The following NUDT4 variants were observed in gnomAD, a reference collection of about 807,000 sequenced individuals.
NUDT4 encodes the protein diphosphoinositol polyphosphate phosphohydrolase 2.
In NUDT4, 5 loss-of-function variants were observed where a neutral mutation model predicts 23.1. The ratio of observed to expected loss-of-function variants is 0.22; its 90% CI spans 0.11 to 0.46. The LOEUF (loss-of-function observed/expected upper bound fraction) is 0.46. Ranked by LOEUF, NUDT4 falls within the 20% of genes least tolerant of loss-of-function variation. The pLI, the probability that NUDT4 is intolerant of heterozygous loss-of-function variation, is 0.99. For missense variants in NUDT4, 96 were observed against 211.6 expected (o/e 0.45, Z 3.39); for synonymous variants, 50 against 79.0 (o/e 0.63, Z 1.95).
chr12:93,379,897 A>T (rs1055563548), intron 1 of NUDT4, among the ~76,000 whole-genome samples: 3 of 152,224 alleles, frequency 2.0e-5, no homozygotes, highest in Non-Finnish European at 4.4e-5. Context: ...TAGATCAAGG[A>T]TCTTGTCTGG....
chr12:93,396,868 CA>C (rs1474115374), intron 3 of NUDT4, among the ~76,000 whole-genome samples: 1 of 152,110 alleles, frequency 6.6e-6, no homozygotes, highest in Admixed American at 6.5e-5. Context: ...CACTCCATCT[CA>C]AAAAACAAAG....
At chr12:93,388,411 A>T (rs187846747) in intron 1 of NUDT4, among the ~76,000 whole-genome samples, 22 of 152,374 alleles carry the variant, frequency 1.4e-4, no homozygotes, top group Non-Finnish European at 2.6e-4. Context: ...ATGTATATTC[A>T]GTATCTTTTC....
At chr12:93,383,057 C>T (rs970267514) in intron 1 of NUDT4, among the ~76,000 whole-genome samples, 5 of 151,496 alleles carry the variant, frequency 3.3e-5, no homozygotes, top group African/African-American at 7.3e-5. Flanking sequence ...CAGGCATTAA[C>T]GTAGAATTTG....
chr12:93,387,310 T>G (rs1056971407), intron 1 of NUDT4, among the ~76,000 whole-genome samples: 28 of 152,172 alleles, frequency 1.8e-4, no homozygotes, highest in African/African-American at 6.8e-4. Context: ...AAAAATGTAG[T>G]CCAGAAAAAT....
Position 93,404,907 on chromosome 12 carries a change from GTTTTT to G in NUDT4, c.*5537_*5541del, listed in dbSNP as rs113787813. ...GTTTAAAATTTTTTTAATGTTTTAGGTTTTTTTTTTTTTAAAAAAAATACTATGCC... is the reference window on the plus strand; with the variant it reads ...GTTTAAAATTTTTTTAATGTTTTAGGTTTTTTTTAAAAAAAATACTATGCC... On this transcript the variant is annotated 3_prime_UTR_variant, in exon 5 of 5. Coordinates refer to ENST00000415493, the MANE Select transcript of NUDT4 (RefSeq NM_019094.6). 6.9e-6 allele frequency: 1 copy of G among 143,968 alleles called. No homozygotes were observed. 8.9% of individuals were successfully genotyped at this position (143,968 alleles called of 1,614,324 possible). A position where few individuals can be genotyped will look rare whatever the true frequency, so the allele number is the denominator to read the frequency against.
rs1194209965 is a variant in NUDT4, at chr12:93,378,219, C to T, written c.-104C>T. 3 of 445,746 alleles carry T rather than the reference C, an allele frequency of 6.7e-6. No individual in the cohort carries two copies. Among genetic ancestry groups the T allele is most frequent in the Non-Finnish European group, 1.2e-5 (3 of 256,684 alleles). 27.6% of individuals were successfully genotyped at this position (445,746 alleles called of 1,614,324 possible). ...CACCGACTAGCGCTCCCGGGCGCTCCTGCGCCCGACTCGCCCTCGCCCCCA... is the reference window on the plus strand; with the variant it reads ...CACCGACTAGCGCTCCCGGGCGCTCTTGCGCCCGACTCGCCCTCGCCCCCA... On this transcript the variant is annotated 5_prime_UTR_variant, in exon 1 of 5. Transcript: ENST00000415493.
intron 1 of NUDT4, among the ~76,000 whole-genome samples, chr12:93,392,524 T>C (rs1280158330): frequency 6.6e-6 from 1 of 151,520 alleles, no homozygotes; most frequent in Admixed American, 6.6e-5. Context: ...CCCAAAGTGC[T>C]AGGATTACAG....
At chr12:93,390,973 A>G (rs927343496) in intron 1 of NUDT4, among the ~76,000 whole-genome samples, 1 of 151,986 alleles carries the variant, frequency 6.6e-6, no homozygotes, top group African/African-American at 2.4e-5. Context: ...GGCTTGAGAG[A>G]AGGGTGGGAG....
In NUDT4 at chr12:93,405,199, C is replaced by T. The variant is rs767480048; in HGVS notation, c.*5820C>T. The T allele has an allele frequency of 4.6e-5, 7 of 152,158 alleles. No homozygotes were observed. Among genetic ancestry groups the T allele is most frequent in the South Asian group, 2.1e-4 (1 of 4,834 alleles). 9.4% of individuals were successfully genotyped at this position (152,158 alleles called of 1,614,324 possible). ...TTTTGCCAGATCTGATATCTACTCC[C>T]GACCTTAAGCCAGGAGACTTTGTAA... On this transcript the variant is annotated 3_prime_UTR_variant, in exon 5 of 5. Coordinates refer to ENST00000415493, the MANE Select transcript of NUDT4 (RefSeq NM_019094.6).
In NUDT4 at chr12:93,407,978, T is replaced by C. The variant is rs1054808413; in HGVS notation, c.*8599T>C. On this transcript the variant is annotated 3_prime_UTR_variant, in exon 5 of 5. Coordinates refer to ENST00000415493, the MANE Select transcript of NUDT4 (RefSeq NM_019094.6). Reference sequence around the variant, plus strand: ...CTGCATTTGAAATGAAAATGACTTATTTCTGTACTTCTATAACTCACAAAT... The same window carrying C: ...CTGCATTTGAAATGAAAATGACTTACTTCTGTACTTCTATAACTCACAAAT... The C allele has an allele frequency of 2.0e-5, 3 of 152,242 alleles. No individual in the cohort carries two copies. Among genetic ancestry groups the C allele is most frequent in the African/African-American group, 7.2e-5 (3 of 41,462 alleles). 9.4% of individuals were successfully genotyped at this position (152,242 alleles called of 1,614,324 possible). A position where few individuals can be genotyped will look rare whatever the true frequency, so the allele number is the denominator to read the frequency against.
intron 1 of NUDT4, among the ~76,000 whole-genome samples, chr12:93,387,345 A>G (rs1157479479): frequency 2.6e-5 from 4 of 152,184 alleles, no homozygotes; most frequent in East Asian, 3.8e-4. Flanking sequence ...TTCATTTTCA[A>G]CAGATTCCAA....
chr12:93,377,974 C>T lies in NUDT4; in HGVS notation c.-349C>T, dbSNP rs1256465025. 1 of 241,272 alleles carries T rather than the reference C, an allele frequency of 4.1e-6. No homozygotes were observed. The highest frequency in any genetic ancestry group is 8.2e-6 in the Non-Finnish European group (1 of 121,398). The allele number at this position is 241,272 out of a possible 1,614,324, so 14.9% of individuals were successfully genotyped here. A position where few individuals can be genotyped will look rare whatever the true frequency, so the allele number is the denominator to read the frequency against. On this transcript the variant is annotated 5_prime_UTR_variant, in exon 1 of 5. Coordinates refer to ENST00000415493, the MANE Select transcript of NUDT4 (RefSeq NM_019094.6). Reference sequence around the variant, plus strand: ...TGGGAGCGGGTCTTCGCAACTGTCTCCGCGTGGCGCGCGCCTCTAGCCGCC... The same window carrying T: ...TGGGAGCGGGTCTTCGCAACTGTCTTCGCGTGGCGCGCGCCTCTAGCCGCC...
At chr12:93,388,080 G>A (rs1187745611) in intron 1 of NUDT4, among the ~76,000 whole-genome samples, 3 of 152,162 alleles carry the variant, frequency 2.0e-5, no homozygotes, top group African/African-American at 7.2e-5. Context: ...TGACATCTGT[G>A]TGAGACCTCT....
chr12:93,392,337 C>G (rs1395570141), intron 1 of NUDT4, among the ~76,000 whole-genome samples: 1 of 147,076 alleles, frequency 6.8e-6, no homozygotes, highest in African/African-American at 2.5e-5. Flanking sequence ...CTCACTGCAA[C>G]CTCCGCCTCC....
chr12:93,402,846 C>CA lies in NUDT4; in HGVS notation c.*3467_*3468insA, dbSNP rs1877564261. On this transcript the variant is annotated 3_prime_UTR_variant, in exon 5 of 5. Coordinates refer to ENST00000415493, the MANE Select transcript of NUDT4 (RefSeq NM_019094.6). Reference sequence around the variant, plus strand: ...AAAGCATAACTGGCTAAGTCACCGCCCCACCCGCCGCATTACATTTCCTAA... The same window carrying CA: ...AAAGCATAACTGGCTAAGTCACCGCCACCACCCGCCGCATTACATTTCCTAA... The CA allele has an allele frequency of 8.2e-6, 1 of 122,534 alleles. No homozygotes were observed. Among genetic ancestry groups the CA allele is most frequent in the South Asian group, 2.6e-4 (1 of 3,778 alleles). The allele number at this position is 122,534 out of a possible 1,614,324, so 7.6% of individuals were successfully genotyped here.
At position 93,401,398 on chromosome 12, in the gene NUDT4, G is replaced by C. The variant is rs1385851348; in HGVS notation, c.*2019G>C. 1 of 147,872 alleles carries C rather than the reference G, an allele frequency of 6.8e-6. No homozygotes were observed. The highest frequency in any genetic ancestry group is 2.5e-5 in the African/African-American group (1 of 40,740). The allele number at this position is 147,872 out of a possible 1,614,324, so 9.2% of individuals were successfully genotyped here. On this transcript the variant is annotated 3_prime_UTR_variant, in exon 5 of 5. Transcript: ENST00000415493. ...CTTAACATAGCAGAGAAACTGGATT[G>C]TTTTTGTATATAAGACTGCTTCCAC...
At position 93,404,866 on chromosome 12, in the gene NUDT4, T is replaced by C. The variant is rs1877713619; in HGVS notation, c.*5487T>C. On this transcript the variant is annotated 3_prime_UTR_variant, in exon 5 of 5. Coordinates refer to ENST00000415493, the MANE Select transcript of NUDT4 (RefSeq NM_019094.6). ...AGGCCAAACCCCACCCCACTGCCTG[T>C]TTGTACGGCCAACAAGTTTAAAATT... 1 of 152,032 alleles carries C rather than the reference T, an allele frequency of 6.6e-6. No homozygotes were observed. The highest frequency in any genetic ancestry group is 2.4e-5 in the African/African-American group (1 of 41,380). The allele number at this position is 152,032 out of a possible 1,614,324, so 9.4% of individuals were successfully genotyped here.
intron 1 of NUDT4, among the ~76,000 whole-genome samples, chr12:93,383,555 G>C (rs1223869635): frequency 6.6e-6 from 1 of 152,234 alleles, no homozygotes; most frequent in East Asian, 1.9e-4. Flanking sequence ...GAGTAGGCCA[G>C]GTGCAGTGGC....
At position 93,404,746 on chromosome 12, in the gene NUDT4, G is replaced by T. The variant is rs1877706831; in HGVS notation, c.*5367G>T. On this transcript the variant is annotated 3_prime_UTR_variant, in exon 5 of 5. Transcript: ENST00000415493. ...AAAAAGCTTAGTCACTTAAAATGAG[G>T]TTGTACAGATTGTAGATTTTGTTTT... 1 of 152,080 alleles carries T rather than the reference G, an allele frequency of 6.6e-6. No individual in the cohort carries two copies. The highest frequency in any genetic ancestry group is 1.5e-5 in the Non-Finnish European group (1 of 68,030). The allele number at this position is 152,080 out of a possible 1,614,324, so 9.4% of individuals were successfully genotyped here.
Sources: gnomAD v4.1 joint callset for allele counts (sites outside exome capture counted in the v4.1 genomes callset) on GRCh38, gnomAD v4.1.1 for gene constraint, MANE v1.5 for transcripts, NCBI Gene and HGNC (gene_info 2026-07-23, HGNC 2026-07-21) for gene names.